The following SPTB variants were observed in gnomAD, a reference collection of about 807,000 sequenced individuals.
SPTB encodes spectrin beta chain, erythrocytic.
SPTB carries 45 observed loss-of-function variants against 256.2 expected under a neutral mutation model. That is an observed-to-expected ratio of 0.18 (90% CI 0.14 to 0.23). The LOEUF (loss-of-function observed/expected upper bound fraction) is 0.23. SPTB is among the 10% of genes least tolerant of loss of function. The pLI, the probability that SPTB is intolerant of heterozygous loss-of-function variation, is 1.00. For synonymous variants in SPTB, 1,231 were observed against 1,243.1 expected, an observed-to-expected ratio of 0.99 and a Z score of 0.21; for missense variants, 2,715 against 3,040.4, an observed-to-expected ratio of 0.89 and a Z score of 2.52.
Position 64,749,308 on chromosome 14 carries a change from A to G in SPTB, c.6985T>C (p.Ter2329GlnextTer172), listed in dbSNP as rs768297594. The G allele has an allele frequency of 8.1e-6, 13 of 1,600,482 alleles. No homozygotes were observed. The highest frequency in any genetic ancestry group is 6.7e-5 in the South Asian group (6 of 89,662). Residue 2329 changes from the stop codon to glutamine, a stop_lost, in exon 36 of 36, where the codon TAG becomes CAG. Transcript: ENST00000644917. This position sits in a 1 kb window ranked among gnomAD's most constrained non-coding sequence, Gnocchi z 4.7. ...KRFSFFPKKK[*>Q] Reference sequence around the variant, plus strand: ...GCCGCGCCCGCCAGCCCCACCTGCTACTTCTTTTTGGGGAAGAAGCTGAAT... The same window carrying G: ...GCCGCGCCCGCCAGCCCCACCTGCTGCTTCTTTTTGGGGAAGAAGCTGAAT...
intron 1 of SPTB, among the ~76,000 whole-genome samples, chr14:64,833,505 T>C (rs1452321689): frequency 6.6e-6 from 1 of 151,580 alleles, no homozygotes; most frequent in African/African-American, 2.4e-5. Context: ...TGAGCCAAGA[T>C]TGGGCCTTTG....
Position 64,793,836 on chromosome 14 carries a change from C to T in SPTB, c.1827G>A (p.Gln609=). The T allele has an allele frequency of 1.9e-6, 3 of 1,608,988 alleles. No homozygotes were observed. The highest frequency in any genetic ancestry group is 2.5e-6 in the Non-Finnish European group (3 of 1,179,802). The change falls in exon 14 of 36, where the codon CAG becomes CAA. Residue 609 remains glutamine, a synonymous_variant. Coordinates refer to ENST00000644917, the MANE Select transcript of SPTB (RefSeq NM_001355436.2). This position sits in a 1 kb window ranked among gnomAD's most constrained non-coding sequence, Gnocchi z 7.0. ...ACTGCTCCAAGTGGCTGATGCGGTCCTGGATGACCTGGGGGTCACAAGGCT... is the reference window on the plus strand; with the variant it reads ...ACTGCTCCAAGTGGCTGATGCGGTCTTGGATGACCTGGGGGTCACAAGGCT... ...GYQPCDPQVI[Q]DRISHLEQCF... is the part of the protein sequence containing the mutation.
rs909207209 is a variant in SPTB, at chr14:64,758,502, G to C, written c.6346-4709C>G. On this transcript the variant is annotated intron_variant, in intron 32 of 35. Coordinates refer to ENST00000644917, the MANE Select transcript of SPTB (RefSeq NM_001355436.2). This position sits in a 1 kb window ranked among gnomAD's most constrained non-coding sequence, Gnocchi z 4.6. ...AGGTGGAGGGGCCCCAGAAGCCAAA[G>C]GCAGAGGCCCCAGGTCCGGCCAAAG... Among the ~76,000 whole-genome samples the C allele has an allele frequency of 2.4e-4, 37 of 152,366 alleles. No individual in the cohort carries two copies. Among genetic ancestry groups the C allele is most frequent in the Non-Finnish European group, 1.0e-4 (7 of 68,030 alleles).
At chr14:64,773,451 C>CA in intron 24 of SPTB, 27 bp from the exon 25 acceptor site, 1 of 1,610,832 alleles carries the variant, frequency 6.2e-7, no homozygotes, top group Non-Finnish European at 8.5e-7. Flanking sequence ...AAAAGGCCCT[C>CA]AGAGACGGCA....
chr14:64,772,576 G>T lies in SPTB; in HGVS notation c.5553+4C>A. 1.2e-6 allele frequency: 2 copies of T among 1,605,312 alleles called. No homozygotes were observed. The highest frequency in any genetic ancestry group is 1.7e-6 in the Non-Finnish European group (2 of 1,179,868). The stretch of plus-strand genomic sequence containing the variant: ...GCAGGTGGGCGGCAGGGGGCTGAAG[G>T]TACCTGGACACCCAGCAGGTGGAGC... On this transcript the variant is annotated splice_donor_region_variant and intron_variant, in intron 26 of 35. Transcript: ENST00000644917. This position sits in a 1 kb window ranked among gnomAD's most constrained non-coding sequence, Gnocchi z 5.4.
At chr14:64,753,820 C>G (rs575946264) in intron 32 of SPTB, 27 bp from the exon 33 acceptor site, 23 of 1,609,956 alleles carry the variant, frequency 1.4e-5, no homozygotes, top group Non-Finnish European at 1.9e-5. Context: ...GAGGAGCACA[C>G]CTTTCTGGGT....
At chr14:64,800,059 A>C (rs2082852463) in intron 8 of SPTB, 125 bp from the exon 9 acceptor site, 1 of 1,253,634 alleles carries the variant, frequency 8.0e-7, no homozygotes, top group Admixed American at 1.7e-5. Flanking sequence ...GGAGTGCTCT[A>C]GGCTGGGTTT....
At chr14:64,794,771 T>C (rs767158878) in intron 12 of SPTB, among the ~76,000 whole-genome samples, 154 bp from the exon 13 acceptor site, 1 of 152,154 alleles carries the variant, frequency 6.6e-6, no homozygotes, top group Non-Finnish European at 1.5e-5. Flanking sequence ...TGGAAGAAGC[T>C]CCAGAGGGAG....
At position 64,796,050 on chromosome 14, in the gene SPTB, C is replaced by G. The variant is rs1291523614; in HGVS notation, c.1342-411G>C. On this transcript the variant is annotated intron_variant, in intron 11 of 35. Coordinates refer to ENST00000644917, the MANE Select transcript of SPTB (RefSeq NM_001355436.2). The surrounding 1 kb of genome is among the most constrained non-coding windows in gnomAD (Gnocchi z 4.1). Reference sequence around the variant, plus strand: ...ACATGCTATCTGGGGTGCGCATACACTCTCCAGTGCTCTCAGAATACTTGT... The same window carrying G: ...ACATGCTATCTGGGGTGCGCATACAGTCTCCAGTGCTCTCAGAATACTTGT... 6.6e-6 allele frequency among the ~76,000 whole-genome samples: 1 copy of G among 152,184 alleles called. No individual in the cohort carries two copies. Among genetic ancestry groups the G allele is most frequent in the Non-Finnish European group, 1.5e-5 (1 of 68,038 alleles).
intron 32 of SPTB, among the ~76,000 whole-genome samples, chr14:64,757,809 G>A (rs558026313): frequency 6.6e-6 from 1 of 152,310 alleles, no homozygotes; most frequent in Non-Finnish European, 1.5e-5. Flanking sequence ...AGGCACTGGG[G>A]TGAGGGAGTA....
chr14:64,821,899 G>C (rs533920458), intron 2 of SPTB, among the ~76,000 whole-genome samples: 1 of 152,254 alleles, frequency 6.6e-6, no homozygotes, highest in South Asian at 2.1e-4. Context: ...CCCTGCTCAG[G>C]CTTCAAGGTC....
rs118183750 is a variant in SPTB at position 64,826,379 on chromosome 14, C to A, written c.-51-3234G>T. On this transcript the variant is annotated intron_variant, in intron 1 of 35. Transcript: ENST00000644917. The surrounding 1 kb of genome is among the most constrained non-coding windows in gnomAD (Gnocchi z 4.4). ...AAGAGATGACCATGACTGAAAAAAACAGCATATGTTGGGGCTCATGGTGGG... is the reference window on the plus strand; with the variant it reads ...AAGAGATGACCATGACTGAAAAAAAAAGCATATGTTGGGGCTCATGGTGGG... Among the ~76,000 whole-genome samples, 1,434 of 152,248 alleles carry A rather than the reference C, an allele frequency of 9.4e-3. 20 individuals carry two copies. The highest frequency in any genetic ancestry group is 0.045 in the South Asian group (217 of 4,820).
At chr14:64,797,584 G>A (rs753922018) in intron 10 of SPTB, 145 bp downstream of exon 10, 293 of 666,174 alleles carry the variant, frequency 4.4e-4, no homozygotes, top group Non-Finnish European at 7.1e-4. Flanking sequence ...AACCAGGTTC[G>A]ATAACTCCCC....
rs146827848 is a variant in SPTB at position 64,768,616 on chromosome 14, G to C, written c.6022+418C>G. On this transcript the variant is annotated intron_variant, in intron 29 of 35. Coordinates refer to ENST00000644917, the MANE Select transcript of SPTB (RefSeq NM_001355436.2). ...GTGCTTGACATTCCTCATGAGGAAT[G>C]TCTGGGATTCCTCAGAGCCTTACCC... 7.1e-3 allele frequency among the ~76,000 whole-genome samples: 1,075 copies of C among 152,020 alleles called. 17 individuals are homozygous for C. Among genetic ancestry groups the C allele is most frequent in the African/African-American group, 0.025 (1,034 of 41,434 alleles).
At chr14:64,801,062 T>C (rs1020977594) in intron 7 of SPTB, among the ~76,000 whole-genome samples, 194 bp from the exon 8 acceptor site, 1 of 152,004 alleles carries the variant, frequency 6.6e-6, no homozygotes, top group African/African-American at 2.4e-5. Context: ...AGAAGAAGGA[T>C]CCAAAGTCCA....
chr14:64,815,283 G>A (rs955934075), intron 2 of SPTB, among the ~76,000 whole-genome samples: 3 of 67,138 alleles, frequency 4.5e-5, no homozygotes, highest in Non-Finnish European at 8.2e-5. Flanking sequence ...CCCATGAAGC[G>A]GGCATCTCCC....
chr14:64,770,954 C>A lies in SPTB; in HGVS notation c.5729G>T (p.Ser1910Ile), dbSNP rs756115510. Reference sequence around the variant, plus strand: ...CCAGGAGAGGAGGTCACGGGCCATGCTGAAGAAGCGGAATTTATCCGCCGT... The same window carrying A: ...CCAGGAGAGGAGGTCACGGGCCATGATGAAGAAGCGGAATTTATCCGCCGT... Reference protein sequence around the residue: ...VDTADKFRFFSMARDLLSWME... With the variant: ...VDTADKFRFFIMARDLLSWME... Residue 1910 changes from serine to isoleucine, a missense_variant, in exon 27 of 36, where the codon AGC becomes ATC. Ser to Ile is a moderately radical substitution (Grantham distance 142). Around this residue, in one of 4 missense-constraint regions of SPTB, gnomAD observed 2,239 missense variants for 2,384.4 expected, o/e 0.94. Transcript: ENST00000644917. 1.2e-6 allele frequency: 2 copies of A among 1,614,124 alleles called. No homozygotes were observed. Among genetic ancestry groups the A allele is most frequent in the Non-Finnish European group, 1.7e-6 (2 of 1,180,028 alleles).
intron 19 of SPTB, among the ~76,000 whole-genome samples, 162 bp from the exon 20 acceptor site, chr14:64,782,715 G>A (rs1055616557): frequency 2.0e-5 from 3 of 151,312 alleles, no homozygotes; most frequent in African/African-American, 7.3e-5. Context: ...TGAATCCCCA[G>A]CATTAGCAGG....
At position 64,768,674 on chromosome 14, in the gene SPTB, CG is replaced by C. The variant is rs200204768; in HGVS notation, c.6022+359del. ...TCTCCCAGACCCCCAACTCCTCCCC[CG>C]GACCCTCAACCCCTCCCCCAGGCCC... is the stretch of plus-strand genomic sequence containing the variant. On this transcript the variant is annotated intron_variant, in intron 29 of 35. Transcript: ENST00000644917. Among the ~76,000 whole-genome samples the C allele has an allele frequency of 4.7e-3, 716 of 152,040 alleles. 7 individuals carry two copies. Among genetic ancestry groups the C allele is most frequent in the African/African-American group, 0.016 (667 of 41,454 alleles).
Sources: gnomAD v4.1 joint callset for allele counts (sites outside exome capture counted in the v4.1 genomes callset) on GRCh38, gnomAD v4.1.1 for gene constraint, gnomAD v4.1.1 regional missense constraint, Gnocchi (gnomAD v3.1) non-coding constraint, MANE v1.5 for transcripts, NCBI Gene and HGNC (gene_info 2026-07-23, HGNC 2026-07-21) for gene names.